The following TRAM2 variants were observed in gnomAD, a reference collection of about 807,000 sequenced individuals.
TRAM2 encodes the protein translocation associated membrane protein 2, also known as translocating chain-associated membrane protein 2.
TRAM2 carries 12 observed loss-of-function variants against 51.0 expected under a neutral mutation model. That is an observed-to-expected ratio of 0.24 (90% CI 0.15 to 0.38). The LOEUF is 0.38. Ranked by LOEUF, TRAM2 falls within the 10% of genes least tolerant of loss-of-function variation. The pLI is 1.00. For synonymous variants in TRAM2, 175 were observed against 179.4 expected (o/e 0.98, Z 0.20); for missense variants, 361 against 462.0 (o/e 0.78, Z 2.00).
intron 1 of TRAM2, among the ~76,000 whole-genome samples, chr6:52,574,303 C>T (rs1158604465): frequency 1.3e-5 from 2 of 152,222 alleles, no homozygotes; most frequent in Non-Finnish European, 2.9e-5. Flanking sequence ...CAGGACGCTT[C>T]TGCTCTCATT....
intron 7 of TRAM2, among the ~76,000 whole-genome samples, chr6:52,507,054 CTAA>C (rs1766362861): frequency 6.6e-6 from 1 of 152,206 alleles, no homozygotes; most frequent in South Asian, 2.1e-4. Flanking sequence ...TCTTCGAGAA[CTAA>C]TATTATAGCA....
At chr6:52,503,420 C>T in intron 10 of TRAM2, 150 bp from the exon 11 acceptor site, 1 of 709,390 alleles carries the variant, frequency 1.4e-6, no homozygotes, top group South Asian at 1.6e-5. Flanking sequence ...CAGCCTTGCA[C>T]AGCAAATGCA....
At position 52,561,928 on chromosome 6, in the gene TRAM2, G is replaced by A. The variant is rs184150308; in HGVS notation, c.120+14868C>T. On this transcript the variant is annotated intron_variant, in intron 1 of 10. Coordinates refer to ENST00000182527, the MANE Select transcript of TRAM2 (RefSeq NM_012288.4). ...AGCCAAACAGGTTTCTTTTGAAGAT[G>A]ATGGAAATGTTTTGAAATTAGATAA... Among the ~76,000 whole-genome samples the A allele has an allele frequency of 1.3e-4, 20 of 152,342 alleles. 1 individual carries two copies. Among genetic ancestry groups the A allele is most frequent in the Middle Eastern group, 3.4e-3 (1 of 294 alleles).
At chr6:52,522,812 G>C in intron 2 of TRAM2, 1 of 674,862 alleles carries the variant, frequency 1.5e-6, no homozygotes, top group Non-Finnish European at 2.7e-6. Flanking sequence ...GTCCCTTTTG[G>C]GGAGTCACAT....
At chr6:52,538,268 A>C (rs1767009579) in intron 1 of TRAM2, among the ~76,000 whole-genome samples, 1 of 152,228 alleles carries the variant, frequency 6.6e-6, no homozygotes, top group Non-Finnish European at 1.5e-5. Context: ...CTTTTAGAGC[A>C]CAGGGTGGAG....
intron 1 of TRAM2, among the ~76,000 whole-genome samples, chr6:52,557,390 G>A (rs1323837639): frequency 6.6e-6 from 1 of 152,178 alleles, no homozygotes; most frequent in African/African-American, 2.4e-5. Context: ...CTATAAGGAT[G>A]CCATGCATGC....
rs200739725 is a variant in TRAM2 at position 52,505,654 on chromosome 6, T to C, written c.820A>G (p.Met274Val). The change falls in exon 9 of 11, where the codon ATG becomes GTG. Residue 274 changes from methionine (M) to valine (V), a missense_variant. Transcript: ENST00000182527. ...TCGGGATCAAATGCCTGGTTTTCCATGCGAGCCAGTCCAAAGCCAATGGCC... is the reference window on the plus strand; with the variant it reads ...TCGGGATCAAATGCCTGGTTTTCCACGCGAGCCAGTCCAAAGCCAATGGCC... ...VLAIGFGLAR[M>V]ENQAFDPEKG... 8 of 1,613,682 alleles carry C rather than the reference T, an allele frequency of 5.0e-6. No individual in the cohort carries two copies. The Admixed American group carries it at 8.3e-5, about 17-fold the overall frequency.
At chr6:52,506,335 G>A (rs1031995440) in intron 7 of TRAM2, among the ~76,000 whole-genome samples, 199 bp from the exon 8 acceptor site, 1 of 152,002 alleles carries the variant, frequency 6.6e-6, no homozygotes, top group African/African-American at 2.4e-5. Flanking sequence ...ATACCGACCC[G>A]CTGGCCGTTC....
At chr6:52,510,573 A>G (rs1389760076) in intron 4 of TRAM2, among the ~76,000 whole-genome samples, 2 of 152,192 alleles carry the variant, frequency 1.3e-5, no homozygotes, top group East Asian at 1.9e-4. Flanking sequence ...AAAGGCCACA[A>G]TCTCAGAGAA....
chr6:52,502,140 G>A lies in TRAM2; in HGVS notation c.*1057C>T, dbSNP rs1206548727. 2 of 152,382 alleles carry A rather than the reference G, an allele frequency of 1.3e-5. No individual in the cohort carries two copies. Among genetic ancestry groups the A allele is most frequent in the African/African-American group, 4.8e-5 (2 of 41,578 alleles). The allele number at this position is 152,382 out of a possible 1,614,324, so 9.4% of individuals were successfully genotyped here. ...TCCCTGAACACCAAGGGACCAGCAT[G>A]GGGCTGAAGCCCTTGAGACTTAGTG... On this transcript the variant is annotated 3_prime_UTR_variant, in exon 11 of 11. Transcript: ENST00000182527.
intron 2 of TRAM2, chr6:52,524,240 T>C (rs1390428169): frequency 6.6e-6 from 1 of 152,166 alleles, no homozygotes; most frequent in East Asian, 1.9e-4. Flanking sequence ...TGACGCTCTC[T>C]GCATATTGAT....
At chr6:52,531,205 C>T (rs1218343164) in intron 2 of TRAM2, among the ~76,000 whole-genome samples, 1 of 150,542 alleles carries the variant, frequency 6.6e-6, no homozygotes, top group Non-Finnish European at 1.5e-5. Flanking sequence ...AAATCACAAC[C>T]TTAACAGACT....
intron 2 of TRAM2, among the ~76,000 whole-genome samples, chr6:52,521,827 G>A (rs567024089): frequency 3.3e-5 from 5 of 152,304 alleles, no homozygotes; most frequent in South Asian, 4.1e-4. Flanking sequence ...TGCCCCTGTC[G>A]TGCATGAGCT....
intron 4 of TRAM2, among the ~76,000 whole-genome samples, chr6:52,514,785 G>C (rs531781391): frequency 2.6e-5 from 4 of 152,318 alleles, no homozygotes; most frequent in Middle Eastern, 3.4e-3. Flanking sequence ...GCCTCCGGGG[G>C]TGGGCATGAA....
chr6:52,536,580 A>T (rs867755094), intron 1 of TRAM2, among the ~76,000 whole-genome samples: 3 of 152,198 alleles, frequency 2.0e-5, no homozygotes, highest in Non-Finnish European at 4.4e-5. Flanking sequence ...TTCAAATGCC[A>T]GCTCTGCCAT....
chr6:52,527,591 T>A, intron 2 of TRAM2, among the ~76,000 whole-genome samples: 1 of 152,250 alleles, frequency 6.6e-6, no homozygotes. Flanking sequence ...AGTTCAAAGA[T>A]GTGGGTCAGC....
At chr6:52,564,238 T>A (rs1767552536) in intron 1 of TRAM2, among the ~76,000 whole-genome samples, 1 of 152,192 alleles carries the variant, frequency 6.6e-6, no homozygotes, top group Non-Finnish European at 1.5e-5. Flanking sequence ...CAAGGAGCCA[T>A]GCCCAGCCCT....
chr6:52,511,907 C>T (rs1766457982), intron 4 of TRAM2, among the ~76,000 whole-genome samples: 1 of 152,098 alleles, frequency 6.6e-6, no homozygotes, highest in Non-Finnish European at 1.5e-5. Flanking sequence ...CTCCCTGGGT[C>T]ACGTGCCGAT....
intron 1 of TRAM2, among the ~76,000 whole-genome samples, chr6:52,566,141 G>A (rs1767587699): frequency 6.6e-6 from 1 of 152,180 alleles, no homozygotes; most frequent in South Asian, 2.1e-4. Flanking sequence ...AATGCAAGAA[G>A]GTGAAACGGA....
Sources: gnomAD v4.1 joint callset for allele counts (sites outside exome capture counted in the v4.1 genomes callset) on GRCh38, gnomAD v4.1.1 for gene constraint, MANE v1.5 for transcripts, NCBI Gene and HGNC (gene_info 2026-07-23, HGNC 2026-07-21) for gene names.